Variants in LARGE1 observed in about 807,000 individuals in gnomAD.
LARGE1 encodes xylosyl- and glucuronyltransferase LARGE1.
A neutral mutation model predicts 87.6 loss-of-function variants in LARGE1; 43 were observed. That is an observed-to-expected ratio of 0.49 (90% CI 0.38 to 0.63). LARGE1 has a LOEUF of 0.63. Ranked by LOEUF, LARGE1 falls within the 30% of genes least tolerant of loss-of-function variation. The pLI is 0.00. For missense variants in LARGE1, 802 were observed against 1,000.2 expected, an observed-to-expected ratio of 0.80 and a Z score of 2.67; for synonymous variants, 434 against 394.6, an observed-to-expected ratio of 1.10 and a Z score of -1.18.
chr22:33,752,492 G>A (rs1291186601), intron 2 of LARGE1, among the ~76,000 whole-genome samples: 1 of 152,140 alleles, frequency 6.6e-6, no homozygotes, highest in Non-Finnish European at 1.5e-5. Context: ...CGCATCATCA[G>A]TTACTGATTA....
intron 1 of LARGE1, among the ~76,000 whole-genome samples, chr22:33,837,154 C>T (rs992492128): frequency 1.3e-5 from 2 of 151,846 alleles, no homozygotes; most frequent in African/African-American, 2.4e-5. Context: ...ATTGAAATGC[C>T]AAAGGCACAG....
chr22:33,585,026 A>G (rs143402527), intron 5 of LARGE1, among the ~76,000 whole-genome samples: 316 of 152,298 alleles, frequency 2.1e-3, no homozygotes, highest in African/African-American at 7.4e-3. Context: ...CTGAGGCATG[A>G]GAATAGCTTG....
At chr22:33,668,420 AGCACTAGAG>A (rs2081323181) in intron 2 of LARGE1, among the ~76,000 whole-genome samples, 1 of 152,210 alleles carries the variant, frequency 6.6e-6, no homozygotes, top group Non-Finnish European at 1.5e-5. Flanking sequence ...AATGAGATGA[AGCACTAGAG>A]GCATTTAGCT....
chr22:33,915,584 A>C (rs1330315830), intron 1 of LARGE1, among the ~76,000 whole-genome samples: 2 of 152,196 alleles, frequency 1.3e-5, no homozygotes, highest in African/African-American at 4.8e-5. Context: ...CATTGCTAAT[A>C]GTTTTTTAAA....
intron 6 of LARGE1, among the ~76,000 whole-genome samples, chr22:33,509,126 A>C (rs2070916605): frequency 6.6e-6 from 1 of 152,182 alleles, no homozygotes. Context: ...AGTGGGTTTC[A>C]AACTTTCCCA....
At chr22:33,133,784 A>G in the LARGE1 span, among the ~76,000 whole-genome samples, 3 of 152,174 alleles carry the variant, frequency 2.0e-5, 1 homozygote, top group Admixed American at 2.0e-4. Context: ...GAACTAATTT[A>G]CACTCCCACC....
intron 6 of LARGE1, among the ~76,000 whole-genome samples, chr22:33,545,346 A>T (rs2077330559): frequency 6.7e-6 from 1 of 149,016 alleles, no homozygotes; most frequent in Non-Finnish European, 1.5e-5. Flanking sequence ...AGCTCACTGC[A>T]GCCGCAGCCT....
the LARGE1 span, among the ~76,000 whole-genome samples, chr22:33,144,688 G>C: frequency 1.3e-5 from 2 of 152,146 alleles, no homozygotes; most frequent in Admixed American, 1.3e-4. Context: ...TGGTGGAAAA[G>C]AGTAGCTGGC....
the LARGE1 span, among the ~76,000 whole-genome samples, chr22:33,153,354 T>A: frequency 6.6e-6 from 1 of 152,218 alleles, no homozygotes; most frequent in African/African-American, 2.4e-5. Flanking sequence ...TTCTTGATTA[T>A]CAATAACTTT....
At chr22:33,544,960 AAC>A (rs1273564458) in intron 6 of LARGE1, among the ~76,000 whole-genome samples, 3 of 152,278 alleles carry the variant, frequency 2.0e-5, no homozygotes, top group South Asian at 4.1e-4. Context: ...TCAACAGAAA[AAC>A]AGTCATTCTG....
At chr22:33,309,049 T>C (rs926650430) in intron 11 of LARGE1, among the ~76,000 whole-genome samples, 8 of 152,200 alleles carry the variant, frequency 5.3e-5, no homozygotes, top group Non-Finnish European at 8.8e-5. Flanking sequence ...GCAAGGGGCC[T>C]AGGCGCCTGC....
chr22:33,175,132 C>A (rs1922794687), intron 11 of LARGE1, among the ~76,000 whole-genome samples: 1 of 152,168 alleles, frequency 6.6e-6, no homozygotes. Context: ...AGCTAATCCA[C>A]CATGATCAAG....
chr22:33,456,432 A>G (rs2068133972), intron 6 of LARGE1, among the ~76,000 whole-genome samples: 1 of 152,202 alleles, frequency 6.6e-6, no homozygotes. Flanking sequence ...TTATTGTTTT[A>G]ACAGTTTTCG....
At chr22:33,449,808 T>C (rs2067838358) in intron 6 of LARGE1, among the ~76,000 whole-genome samples, 1 of 152,238 alleles carries the variant, frequency 6.6e-6, no homozygotes, top group African/African-American at 2.4e-5. Flanking sequence ...CCAACCCACA[T>C]TCCTGGCTGC....
At chr22:33,197,809 A>G (rs898161791) in intron 11 of LARGE1, among the ~76,000 whole-genome samples, 2 of 152,142 alleles carry the variant, frequency 1.3e-5, no homozygotes, top group African/African-American at 4.8e-5. Flanking sequence ...TGTAAATATA[A>G]AAGGCCTAGA....
chr22:33,228,484 C>G (rs1925845734), intron 11 of LARGE1, among the ~76,000 whole-genome samples: 1 of 152,226 alleles, frequency 6.6e-6, no homozygotes, highest in East Asian at 1.9e-4. Context: ...AACATTGGTT[C>G]TATCTGAAAA....
Position 33,904,389 on chromosome 22 carries a change from C to T in LARGE1, c.-83+15606G>A, listed in dbSNP as rs5999135. Among the ~76,000 whole-genome samples, 1,366 of 152,298 alleles carry T rather than the reference C, an allele frequency of 9.0e-3. 35 individuals carry two copies. The highest frequency in any genetic ancestry group is 0.031 in the African/African-American group (1,298 of 41,554). On this transcript the variant is annotated intron_variant, in intron 1 of 14. Transcript: ENST00000397394. ...CAGGTCAGTCTCAATCTCCTGACCT[C>T]GTGGTCCCCCCGCCTCGGCCTCCCA...
At chr22:33,573,684 C>T (rs2078272768) in intron 5 of LARGE1, among the ~76,000 whole-genome samples, 2 of 152,142 alleles carry the variant, frequency 1.3e-5, no homozygotes, top group Non-Finnish European at 2.9e-5. Context: ...CAAAATGCAG[C>T]AGCTTAAAAC....
At chr22:33,107,163 G>A in the LARGE1 span, among the ~76,000 whole-genome samples, 1 of 152,190 alleles carries the variant, frequency 6.6e-6, no homozygotes, top group Non-Finnish European at 1.5e-5. Flanking sequence ...ACCACAGTCA[G>A]CACTTCCAAA....
Sources: gnomAD v4.1 joint callset for allele counts (sites outside exome capture counted in the v4.1 genomes callset) on GRCh38, gnomAD v4.1.1 for gene constraint, MANE v1.5 for transcripts, NCBI Gene and HGNC (gene_info 2026-07-23, HGNC 2026-07-21) for gene names.